Variants in PTH2R observed in about 807,000 individuals in gnomAD.
The protein encoded by PTH2R is PTH2 receptor.
In PTH2R, 59 loss-of-function variants were observed where a neutral mutation model predicts 60.3. The ratio of observed to expected loss-of-function variants is 0.98; its 90% CI spans 0.79 to 1.22. PTH2R has a LOEUF of 1.22. PTH2R is among the 50% of genes most tolerant of loss of function. PTH2R has a pLI of 0.00. For synonymous variants in PTH2R, 256 were observed against 243.8 expected (o/e 1.05, Z -0.47); for missense variants, 749 against 682.6 (o/e 1.10, Z -1.08).
intron 2 of PTH2R, among the ~76,000 whole-genome samples, 155 bp downstream of exon 2, chr2:208,428,458 C>T (rs950245943): frequency 6.6e-6 from 1 of 152,200 alleles, no homozygotes; most frequent in Non-Finnish European, 1.5e-5. Context: ...ACACTCTTTT[C>T]ATCTCTACCC....
intron 1 of PTH2R, among the ~76,000 whole-genome samples, chr2:208,364,198 C>T (rs1700535066): frequency 6.6e-6 from 1 of 152,130 alleles, no homozygotes; most frequent in Non-Finnish European, 1.5e-5. Context: ...TTGTGTCCTT[C>T]AATGAACAAA....
Position 208,437,636 on chromosome 2 carries a change from T to A in PTH2R, c.278T>A (p.Phe93Tyr). ...CCATGCCCTCCTTATATTTATGACTTCAACCATAAAGGTATTGAATTTTTC... is the reference window on the plus strand; with the variant it reads ...CCATGCCCTCCTTATATTTATGACTACAACCATAAAGGTATTGAATTTTTC... ...AVPCPPYIYD[F>Y]NHKGVAFRHC... Residue 93 changes from phenylalanine to tyrosine, a missense_variant, in exon 3 of 13, where the codon TTC becomes TAC. Phe to Tyr is a conservative substitution (Grantham distance 22). Transcript: ENST00000272847. 1 of 1,612,004 alleles carries A rather than the reference T, an allele frequency of 6.2e-7. No individual in the cohort carries two copies. The highest frequency in any genetic ancestry group is 8.5e-7 in the Non-Finnish European group (1 of 1,179,114).
chr2:208,470,645 C>T (rs1020741165), intron 9 of PTH2R, among the ~76,000 whole-genome samples: 1 of 151,420 alleles, frequency 6.6e-6, no homozygotes, highest in African/African-American at 2.5e-5. Context: ...GTCCATTAAA[C>T]CTTTTTTTTC....
chr2:208,485,276 C>A (rs1471403098), intron 10 of PTH2R, among the ~76,000 whole-genome samples: 5 of 152,190 alleles, frequency 3.3e-5, no homozygotes. Flanking sequence ...AAACAGGACA[C>A]TGAGTCCCAA....
intron 1 of PTH2R, among the ~76,000 whole-genome samples, chr2:208,377,298 A>G (rs1700811680): frequency 6.6e-6 from 1 of 152,066 alleles, no homozygotes; most frequent in Admixed American, 6.5e-5. Flanking sequence ...CAACAATCTG[A>G]TTTCTCTATC....
At chr2:208,360,350 C>A (rs1374535334) in intron 1 of PTH2R, 1 of 308,182 alleles carries the variant, frequency 3.2e-6, no homozygotes, top group African/African-American at 2.2e-5. Flanking sequence ...CTCCCCGAGC[C>A]CCTCGGGGCC....
At chr2:208,468,757 A>G (rs757390520) in intron 9 of PTH2R, among the ~76,000 whole-genome samples, 14 of 152,208 alleles carry the variant, frequency 9.2e-5, no homozygotes, top group South Asian at 2.1e-4. Context: ...TTTCAACATC[A>G]CAGTATATCA....
At chr2:208,360,425 C>T (rs1057276504) in intron 1 of PTH2R, among the ~76,000 whole-genome samples, 1 of 152,282 alleles carries the variant, frequency 6.6e-6, no homozygotes, top group Admixed American at 6.5e-5. Context: ...TGAGGTCCTC[C>T]CTCAGGCGCT....
At chr2:208,362,324 C>G (rs763879064) in intron 1 of PTH2R, among the ~76,000 whole-genome samples, 3 of 151,818 alleles carry the variant, frequency 2.0e-5, no homozygotes, top group Non-Finnish European at 4.4e-5. Context: ...AGCTAATTCC[C>G]ATAATAAATC....
intron 7 of PTH2R, among the ~76,000 whole-genome samples, chr2:208,449,208 C>T (rs966185895): frequency 6.6e-6 from 1 of 152,188 alleles, no homozygotes. Flanking sequence ...TATATCTAAT[C>T]ATCCTACCAG....
At position 208,394,704 on chromosome 2, in the gene PTH2R, C is replaced by T. The variant is rs371289742; in HGVS notation, c.-258-33497C>T. Reference sequence around the variant, plus strand: ...AGCAAGGCCCCTTTAAGGGAGGGGGCGTGCTAGATTGAACTCTATATCCTG... The same window carrying T: ...AGCAAGGCCCCTTTAAGGGAGGGGGTGTGCTAGATTGAACTCTATATCCTG... On this transcript the variant is annotated intron_variant, in intron 1 of 12. Coordinates refer to the PTH2R transcript ENST00000617735. Among the ~76,000 whole-genome samples, 103 of 152,226 alleles carry T rather than the reference C, an allele frequency of 6.8e-4. 2 individuals carry two copies. In the South Asian group the frequency reaches 7.7e-3, roughly 11 times the overall value.
chr2:208,489,149 A>T lies in PTH2R; in HGVS notation c.1214A>T (p.Gln405Leu). The T allele has an allele frequency of 6.2e-7, 1 of 1,613,886 alleles. No individual in the cohort carries two copies. Among genetic ancestry groups the T allele is most frequent in the Non-Finnish European group, 8.5e-7 (1 of 1,179,902 alleles). ...MHCELFFNSFQGFFVSIIYCY... is the reference protein window; with the variant it reads ...MHCELFFNSFLGFFVSIIYCY... ...TGTGAGCTCTTCTTCAACTCCTTTCAGGTAAAGGGTGCTGCCTAGTCATCT... is the reference window on the plus strand; with the variant it reads ...TGTGAGCTCTTCTTCAACTCCTTTCTGGTAAAGGGTGCTGCCTAGTCATCT... The change falls in exon 11 of 13, where the codon CAG becomes CTG. Residue 405 changes from glutamine to leucine, a missense_variant and splice_region_variant. Gln to Leu is a moderately radical substitution (Grantham distance 113). Coordinates refer to ENST00000272847, the MANE Select transcript of PTH2R (RefSeq NM_005048.4).
At chr2:208,470,543 A>G (rs1204830739) in intron 9 of PTH2R, among the ~76,000 whole-genome samples, 1 of 152,064 alleles carries the variant, frequency 6.6e-6, no homozygotes, top group Non-Finnish European at 1.5e-5. Context: ...GTTTCCCTGC[A>G]CAAGCTCTCT....
At chr2:208,474,187 C>A (rs571465143) in intron 9 of PTH2R, among the ~76,000 whole-genome samples, 38 of 152,248 alleles carry the variant, frequency 2.5e-4, no homozygotes, top group Non-Finnish European at 4.1e-4. Context: ...ATATCTACTT[C>A]ATAGGGTTAT....
Position 208,406,996 on chromosome 2 carries a change from C to T in PTH2R, c.-48C>T, listed in dbSNP as rs775295209. ...CAAGTTGGCAACTTGGAAGCTTCTC[C>T]CGGGCTCTGGAGGAGGGTCCCTGCT... On this transcript the variant is annotated 5_prime_UTR_variant, in exon 1 of 13. Transcript: ENST00000272847. 4.4e-6 allele frequency: 6 copies of T among 1,354,528 alleles called. No individual in the cohort carries two copies. The highest frequency in any genetic ancestry group is 2.0e-4 in the Middle Eastern group (1 of 5,046). The allele number at this position is 1,354,528 out of a possible 1,614,324, so 83.9% of individuals were successfully genotyped here.
chr2:208,416,065 A>G (rs1701634616), intron 1 of PTH2R, among the ~76,000 whole-genome samples: 1 of 152,198 alleles, frequency 6.6e-6, no homozygotes, highest in Non-Finnish European at 1.5e-5. Flanking sequence ...AATATCAGTA[A>G]CATTTGTTAC....
intron 7 of PTH2R, among the ~76,000 whole-genome samples, chr2:208,449,587 C>T (rs998153629): frequency 6.6e-6 from 1 of 151,872 alleles, no homozygotes; most frequent in Non-Finnish European, 1.5e-5. Flanking sequence ...ACTATAGAAA[C>T]AAGAAATAAA....
At position 208,437,885 on chromosome 2, in the gene PTH2R, A is replaced by G. The variant is rs990516176; in HGVS notation, c.411+4A>G. ...GCCAGATATCAGCATAGGAAAGGTA[A>G]TGGAATTTCTCTATTTGTGAATTCC... is the stretch of plus-strand genomic sequence containing the variant. On this transcript the variant is annotated splice_donor_region_variant and intron_variant, in intron 4 of 12. Transcript: ENST00000272847. 8.7e-6 allele frequency: 14 copies of G among 1,608,394 alleles called. No homozygotes were observed. Among genetic ancestry groups the G allele is most frequent in the Non-Finnish European group, 1.2e-5 (14 of 1,175,552 alleles).
At position 208,417,050 on chromosome 2, in the gene PTH2R, A is replaced by G. The variant is rs530100024; in HGVS notation, c.75+9932A>G. ...CCTCTCAATGAAGATTGGAAAAGAA[A>G]GAAGGGATGAAGAAAAAAAGAGTTT... On this transcript the variant is annotated intron_variant, in intron 1 of 12. Coordinates refer to ENST00000272847, the MANE Select transcript of PTH2R (RefSeq NM_005048.4). Among the ~76,000 whole-genome samples, 14 of 152,340 alleles carry G rather than the reference A, an allele frequency of 9.2e-5. No individual in the cohort carries two copies. The East Asian group carries it at 2.5e-3, about 27-fold the overall frequency.
Sources: gnomAD v4.1 joint callset for allele counts (sites outside exome capture counted in the v4.1 genomes callset) on GRCh38, gnomAD v4.1.1 for gene constraint, MANE v1.5 for transcripts, NCBI Gene and HGNC (gene_info 2026-07-23, HGNC 2026-07-21) for gene names.